The following UBASH3B variants were observed in gnomAD, a reference collection of about 807,000 sequenced individuals.
UBASH3B encodes ubiquitin-associated and SH3 domain-containing protein B.
In UBASH3B, 37 loss-of-function variants were observed where a neutral mutation model predicts 83.4. The ratio of observed to expected loss-of-function variants is 0.44; its 90% CI spans 0.34 to 0.58. UBASH3B has a LOEUF of 0.58. Ranked by LOEUF, UBASH3B falls within the 20% of genes least tolerant of loss-of-function variation. The pLI, the probability that UBASH3B is intolerant of heterozygous loss-of-function variation, is 0.01. For synonymous variants in UBASH3B, 304 were observed against 318.3 expected, an observed-to-expected ratio of 0.96 and a Z score of 0.48; for missense variants, 657 against 827.2, an observed-to-expected ratio of 0.79 and a Z score of 2.52.
chr11:122,716,131 AGCTGGG>A (rs1860521440), intron 1 of UBASH3B, among the ~76,000 whole-genome samples: 1 of 152,228 alleles, frequency 6.6e-6, no homozygotes, highest in Admixed American at 6.5e-5. Flanking sequence ...AGTAGCAGCA[AGCTGGG>A]GCTGGTGAGA....
intron 1 of UBASH3B, among the ~76,000 whole-genome samples, chr11:122,683,041 T>C (rs977382353): frequency 4.6e-5 from 7 of 151,420 alleles, no homozygotes; most frequent in African/African-American, 7.3e-5. Context: ...AGCCCAGGAG[T>C]TGGTCTTGCG....
intron 1 of UBASH3B, among the ~76,000 whole-genome samples, chr11:122,676,800 C>T (rs1031385146): frequency 6.6e-6 from 1 of 152,216 alleles, no homozygotes; most frequent in African/African-American, 2.4e-5. Context: ...TCTGTATTTC[C>T]TGGCATCACT....
chr11:122,705,488 TC>T (rs1864106430), intron 1 of UBASH3B, among the ~76,000 whole-genome samples: 1 of 144,250 alleles, frequency 6.9e-6, no homozygotes, highest in Non-Finnish European at 1.5e-5. Context: ...AAGAAAAAAA[TC>T]TAAAATCCCT....
intron 2 of UBASH3B, among the ~76,000 whole-genome samples, chr11:122,776,625 G>A (rs1860739656): frequency 6.6e-6 from 1 of 152,144 alleles, no homozygotes; most frequent in Admixed American, 6.5e-5. Context: ...CCCAGGGTGG[G>A]TCCTACAAGG....
chr11:122,778,784 T>C (rs1053424492), intron 3 of UBASH3B, among the ~76,000 whole-genome samples: 2 of 152,072 alleles, frequency 1.3e-5, no homozygotes, highest in South Asian at 2.1e-4. Context: ...TTTGTATTTT[T>C]AGTAGAGATG....
chr11:122,753,548 G>T (rs1344015063), intron 1 of UBASH3B, among the ~76,000 whole-genome samples: 3 of 145,510 alleles, frequency 2.1e-5, no homozygotes, highest in African/African-American at 7.7e-5. Flanking sequence ...GCCCAGGCTG[G>T]AGTGAAATGG....
intron 1 of UBASH3B, among the ~76,000 whole-genome samples, chr11:122,733,194 C>T (rs1290602438): frequency 2.0e-5 from 3 of 152,214 alleles, no homozygotes; most frequent in Non-Finnish European, 4.4e-5. Context: ...TGTTTCCCTC[C>T]TTTGCTGTGG....
chr11:122,691,085 T>A (rs552786834), intron 1 of UBASH3B, among the ~76,000 whole-genome samples: 1 of 152,272 alleles, frequency 6.6e-6, no homozygotes, highest in East Asian at 1.9e-4. Flanking sequence ...TTCCAGCAAA[T>A]GAAAGGTCAT....
At chr11:122,690,414 CTTACT>C (rs1318882078) in intron 1 of UBASH3B, among the ~76,000 whole-genome samples, 1 of 151,116 alleles carries the variant, frequency 6.6e-6, no homozygotes, top group African/African-American at 2.4e-5. Flanking sequence ...CTATTCTGAG[CTTACT>C]TTACATCTGA....
At chr11:122,762,263 A>G (rs1358073512) in intron 1 of UBASH3B, among the ~76,000 whole-genome samples, 1 of 152,116 alleles carries the variant, frequency 6.6e-6, no homozygotes, top group African/African-American at 2.4e-5. Context: ...ACTGCATACA[A>G]ATGAGAGAGC....
intron 1 of UBASH3B, among the ~76,000 whole-genome samples, chr11:122,705,463 A>G (rs1287275313): frequency 6.6e-6 from 1 of 151,844 alleles, no homozygotes; most frequent in Non-Finnish European, 1.5e-5. Context: ...ATAAAAAAAA[A>G]AAAAAAAAGA....
At chr11:122,746,302 G>C (rs1212448981) in intron 1 of UBASH3B, among the ~76,000 whole-genome samples, 1 of 152,170 alleles carries the variant, frequency 6.6e-6, no homozygotes, top group African/African-American at 2.4e-5. Flanking sequence ...TCTTTCGGTA[G>C]GGAGGTTCCA....
At chr11:122,751,824 G>A (rs991444943) in intron 1 of UBASH3B, among the ~76,000 whole-genome samples, 10 of 152,132 alleles carry the variant, frequency 6.6e-5, no homozygotes, top group Admixed American at 1.3e-4. Flanking sequence ...TGTATCTCAT[G>A]TTAGCTCCAT....
chr11:122,773,323 CACTT>C (rs151067576), intron 1 of UBASH3B, among the ~76,000 whole-genome samples: 4,317 of 152,340 alleles, frequency 0.028, 82 homozygotes, highest in Non-Finnish European at 0.04. Flanking sequence ...TGTAGGAACA[CACTT>C]AGCCCAAATC....
chr11:122,752,971 G>A (rs1861222677), intron 1 of UBASH3B, among the ~76,000 whole-genome samples: 1 of 152,006 alleles, frequency 6.6e-6, no homozygotes, highest in African/African-American at 2.4e-5. Flanking sequence ...CCTTCTGTTT[G>A]GAACCCGTGC....
At chr11:122,693,428 A>G (rs1410387416) in intron 1 of UBASH3B, among the ~76,000 whole-genome samples, 1 of 152,226 alleles carries the variant, frequency 6.6e-6, no homozygotes, top group African/African-American at 2.4e-5. Flanking sequence ...CATCAAGGGA[A>G]GATCACACAC....
At chr11:122,670,924 G>T (rs1220151838) in intron 1 of UBASH3B, among the ~76,000 whole-genome samples, 1 of 151,728 alleles carries the variant, frequency 6.6e-6, no homozygotes, top group African/African-American at 2.4e-5. Context: ...CACCACGCCC[G>T]GCTAATTTTT....
chr11:122,726,428 C>T (rs1413739361), intron 1 of UBASH3B: 1 of 147,650 alleles, frequency 6.8e-6, no homozygotes, highest in African/African-American at 2.5e-5. Flanking sequence ...TGGCATACTG[C>T]AGCCTCCGCC....
At chr11:122,690,400 G>A in intron 1 of UBASH3B, among the ~76,000 whole-genome samples, 1 of 150,556 alleles carries the variant, frequency 6.6e-6, no homozygotes, top group Non-Finnish European at 1.5e-5. Flanking sequence ...ATAAATGGTA[G>A]CTACTATTCT....
Sources: allele counts gnomAD v4.1 joint callset (sites outside exome capture counted in the v4.1 genomes callset), GRCh38; gene constraint gnomAD v4.1.1; transcripts MANE v1.5; gene names NCBI Gene and HGNC (gene_info 2026-07-23, HGNC 2026-07-21).